The following PLCH2 variants were observed in gnomAD, a reference collection of about 807,000 sequenced individuals.
The protein encoded by PLCH2 is phospholipase C eta 2, also known as 1-phosphatidylinositol 4,5-bisphosphate phosphodiesterase eta-2.
PLCH2 carries 98 observed loss-of-function variants against 134.7 expected under a neutral mutation model. That is an observed-to-expected ratio of 0.73 (90% confidence interval 0.62 to 0.86). The LOEUF (loss-of-function observed/expected upper bound fraction) is 0.86, where lower values mean the gene tolerates loss of function less well. Among genes scored for constraint, PLCH2 ranks in the 40% least tolerant of loss-of-function variants. PLCH2 has a pLI of 0.00. For synonymous variants in PLCH2, 974 were observed against 827.5 expected, an observed-to-expected ratio of 1.18 and a Z score of -3.04; for missense variants, 1,994 against 1,986.6, an observed-to-expected ratio of 1.00 and a Z score of -0.07.
At chr1:2,489,905 C>A in intron 10 of PLCH2, 38 bp downstream of exon 10, 1 of 1,405,118 alleles carries the variant, frequency 7.1e-7, no homozygotes, top group Non-Finnish European at 1.0e-6. Context: ...CGCGTGGAGC[C>A]TGCAGTTCCC....
chr1:2,461,505 T>C (rs111797543), intron 2 of PLCH2, among the ~76,000 whole-genome samples: 27 of 152,236 alleles, frequency 1.8e-4, no homozygotes, highest in African/African-American at 6.5e-4. Flanking sequence ...GCTGAGATGA[T>C]TCAGGGCAGA....
chr1:2,461,133 T>C (rs532402924), intron 2 of PLCH2, among the ~76,000 whole-genome samples: 1 of 152,340 alleles, frequency 6.6e-6, no homozygotes, highest in South Asian at 2.1e-4. Flanking sequence ...GCAGTGTTCG[T>C]CCTGCAATCC....
At chr1:2,449,588 G>C (rs555719506) in intron 2 of PLCH2, among the ~76,000 whole-genome samples, 1 of 152,218 alleles carries the variant, frequency 6.6e-6, no homozygotes, top group Admixed American at 6.5e-5. Flanking sequence ...CAGGTGAGGT[G>C]GGGGACCAGG....
At chr1:2,453,548 G>C (rs1368348426) in intron 2 of PLCH2, among the ~76,000 whole-genome samples, 1 of 152,176 alleles carries the variant, frequency 6.6e-6, no homozygotes, top group East Asian at 1.9e-4. Flanking sequence ...CGTGTCCAGG[G>C]CCAGTGTCTT....
In PLCH2 at chr1:2,504,526, G is replaced by A. The variant is rs1390013255; in HGVS notation, c.3564G>A (p.Ser1188=). The part of the protein sequence containing the change: ...GRLPPRPHSA[S]AARPDLPPVT... ...TGCCCCCCAGGCCCCACTCGGCTTC[G>A]GCTGCCCGCCCAGACCTGCCACCTG... is the stretch of plus-strand genomic sequence containing the variant. Residue 1188 remains serine, a synonymous_variant, in exon 22 of 22, where the codon TCG becomes TCA. Transcript: ENST00000378486. 4 of 1,612,376 alleles carry A rather than the reference G, an allele frequency of 2.5e-6. No homozygotes were observed. The highest frequency in any genetic ancestry group is 1.1e-5 in the South Asian group (1 of 91,078).
intron 1 of PLCH2, among the ~76,000 whole-genome samples, chr1:2,469,134 C>T (rs1371553833): frequency 6.6e-6 from 1 of 152,234 alleles, no homozygotes; most frequent in Non-Finnish European, 1.5e-5. Context: ...CACGTTGTCC[C>T]TGGTTCCTGC....
At position 2,431,781 on chromosome 1, in the gene PLCH2, C is replaced by T. The variant is rs565671093; in HGVS notation, c.115+1152C>T. On this transcript the variant is annotated intron_variant, in intron 2 of 3. Transcript: ENST00000609981. ...CGTTCCTACCCCTTGTTACTGTCCC[C>T]GCCCCATGCCTGGGTGGTGGATGCT... Among the ~76,000 whole-genome samples the T allele has an allele frequency of 2.4e-3, 363 of 152,310 alleles. 1 individual carries two copies. The highest frequency in any genetic ancestry group is 3.5e-3 in the Non-Finnish European group (240 of 68,016).
upstream of PLCH2, among the ~76,000 whole-genome samples, chr1:2,473,756 CACTGT>C (rs1641462541): frequency 6.6e-6 from 1 of 152,230 alleles, no homozygotes; most frequent in African/African-American, 2.4e-5. Flanking sequence ...TGGGGAGCCC[CACTGT>C]GCTGTGCAGG....
intron 2 of PLCH2, among the ~76,000 whole-genome samples, chr1:2,453,527 G>A (rs1046772286): frequency 1.3e-5 from 2 of 152,152 alleles, no homozygotes; most frequent in Non-Finnish European, 2.9e-5. Flanking sequence ...GGGCTCACAG[G>A]ACCTCCTTCA....
At position 2,487,236 on chromosome 1, in the gene PLCH2, A is replaced by T. The variant is rs1642334608; in HGVS notation, c.974A>T (p.His325Leu). 1 of 1,607,834 alleles carries T rather than the reference A, an allele frequency of 6.2e-7. No individual in the cohort carries two copies. The highest frequency in any genetic ancestry group is 8.5e-7 in the Non-Finnish European group (1 of 1,177,364). Residue 325 changes from histidine to leucine, a missense_variant, in exon 7 of 22, where the codon CAC becomes CTC. Transcript: ENST00000378486. ...DIFNPEHHHV[H>L]QDMTQPLSHY... is the part of the protein sequence containing the mutation. ...TTCAACCCTGAGCACCACCATGTGC[A>T]CCAGGACATGACGCAGCCGCTGAGC...
Position 2,450,681 on chromosome 1 carries a change from C to CCCG in PLCH2, c.115+20053_115+20054insCGC, listed in dbSNP as rs1640170673. ...TGCCCCCCTGCTCCCCGCCTACCCC[C>CCCG]CTCTCCCCGCCTGCCCCCCCGCTCC... On this transcript the variant is annotated intron_variant, in intron 2 of 3. Transcript: ENST00000609981. Among the ~76,000 whole-genome samples, 3 of 45,006 alleles carry CCCG rather than the reference C, an allele frequency of 6.7e-5. 1 individual carries two copies. Among genetic ancestry groups the CCCG allele is most frequent in the Admixed American group, 4.2e-4 (2 of 4,748 alleles). 29.5% of individuals were successfully genotyped at this position (45,006 alleles called of 152,430 possible).
At chr1:2,417,025 A>G in the PLCH2 span, among the ~76,000 whole-genome samples, 3 of 152,216 alleles carry the variant, frequency 2.0e-5, no homozygotes, top group African/African-American at 7.2e-5. Context: ...AGAGAGGGGC[A>G]TGGGCCTGTG....
intron 1 of PLCH2, among the ~76,000 whole-genome samples, chr1:2,427,659 G>C (rs867972173): frequency 6.6e-6 from 1 of 152,326 alleles, no homozygotes; most frequent in East Asian, 1.9e-4. Flanking sequence ...GAGGATGTCA[G>C]AGGAGCAGGC....
At chr1:2,497,368 C>A in intron 15 of PLCH2, 134 bp from the exon 16 acceptor site, 1 of 672,916 alleles carries the variant, frequency 1.5e-6, no homozygotes, top group Non-Finnish European at 2.7e-6. Context: ...GTCCCATTCA[C>A]ATTGGGTGAA....
chr1:2,431,122 G>A (rs565451478), intron 2 of PLCH2, among the ~76,000 whole-genome samples: 16 of 152,314 alleles, frequency 1.1e-4, no homozygotes, highest in African/African-American at 3.6e-4. Flanking sequence ...CAGGCCTGTG[G>A]CTGGCTGCCC....
intron 4 of PLCH2, among the ~76,000 whole-genome samples, chr1:2,483,890 T>C (rs189305797): frequency 0.2 from 3,632 of 18,462 alleles, 1,175 homozygotes; most frequent in East Asian, 0.23. Flanking sequence ...TGGCGCTGAC[T>C]CCCGTGTGGG....
intron 3 of PLCH2, 76 bp downstream of exon 3, chr1:2,480,053 C>T: frequency 1.3e-6 from 2 of 1,580,722 alleles, no homozygotes; most frequent in Non-Finnish European, 8.6e-7. Context: ...GGGGCCTGTC[C>T]TTTGCCGGGT....
upstream of PLCH2, among the ~76,000 whole-genome samples, chr1:2,474,559 G>A (rs929318688): frequency 5.9e-5 from 9 of 152,184 alleles, no homozygotes; most frequent in East Asian, 3.9e-4. Context: ...GGCAGATGGC[G>A]GCCTCCAAGC....
chr1:2,442,997 T>A (rs1639759563), intron 2 of PLCH2, among the ~76,000 whole-genome samples: 1 of 152,162 alleles, frequency 6.6e-6, no homozygotes, highest in Non-Finnish European at 1.5e-5. Flanking sequence ...CCCCAGGGTC[T>A]AGGGCCTGTC....
Sources: allele counts gnomAD v4.1 joint callset (sites outside exome capture counted in the v4.1 genomes callset), GRCh38; gene constraint gnomAD v4.1.1; transcripts MANE v1.5; gene names NCBI Gene and HGNC (gene_info 2026-07-23, HGNC 2026-07-21).